The following CAMTA1 variants were observed in gnomAD, a reference collection of about 807,000 sequenced individuals.
CAMTA1 encodes calmodulin-binding transcription activator 1.
A neutral mutation model predicts 170.9 loss-of-function variants in CAMTA1; 27 were observed. The ratio of observed to expected loss-of-function variants is 0.16; its 90% confidence interval spans 0.12 to 0.22. The LOEUF is 0.22. CAMTA1 is among the 10% of genes least tolerant of loss of function. CAMTA1 has a pLI of 1.00. For synonymous variants in CAMTA1, 833 were observed against 891.5 expected, an observed-to-expected ratio of 0.93 and a Z score of 1.17; for missense variants, 1,619 against 2,217.2, an observed-to-expected ratio of 0.73 and a Z score of 5.42.
rs1435736432 is a variant in CAMTA1 at position 6,798,600 on chromosome 1, T to TAGTAGAGGTGAGGTTTCACCATG, written c.45+13025_45+13026insAGTAGAGGTGAGGTTTCACCATG. 3.9e-3 allele frequency among the ~76,000 whole-genome samples: 493 copies of TAGTAGAGGTGAGGTTTCACCATG among 127,806 alleles called. 5 individuals are homozygous for TAGTAGAGGTGAGGTTTCACCATG. Among genetic ancestry groups the TAGTAGAGGTGAGGTTTCACCATG allele is most frequent in the South Asian group, 6.5e-3 (24 of 3,682 alleles). The allele number at this position is 127,806 out of a possible 152,430, so 83.8% of individuals were successfully genotyped here. A position where few individuals can be genotyped will look rare whatever the true frequency, so the allele number is the denominator to read the frequency against. ...ACCTGGCTAATTTTTTTTTTTTTTT[T>TAGTAGAGGTGAGGTTTCACCATG]TTTTTTTGAGACGGAGTCTCGCTCT... On this transcript the variant is annotated intron_variant, in intron 1 of 22. Coordinates refer to ENST00000303635, the MANE Select transcript of CAMTA1 (RefSeq NM_015215.4).
At chr1:6,840,434 G>A (rs1000027987) in intron 3 of CAMTA1, among the ~76,000 whole-genome samples, 4 of 152,118 alleles carry the variant, frequency 2.6e-5, no homozygotes, top group Non-Finnish European at 5.9e-5. Context: ...TTTCAGAGGT[G>A]GAGCTGTCAA....
intron 3 of CAMTA1, among the ~76,000 whole-genome samples, chr1:6,891,288 T>C (rs1428436528): frequency 1.3e-5 from 2 of 152,224 alleles, no homozygotes; most frequent in East Asian, 3.8e-4. Context: ...GTTTCCCTGA[T>C]GAGTTTTCAT....
chr1:7,252,583 C>T (rs2149317199), intron 5 of CAMTA1, among the ~76,000 whole-genome samples: 1 of 152,326 alleles, frequency 6.6e-6, no homozygotes, highest in East Asian at 1.9e-4. Flanking sequence ...TTGTACCTCA[C>T]AGGAGGAGGG....
rs555770928 is a variant in CAMTA1, at chr1:7,507,732, G to T, written c.510+39831G>T. ...TCTCCAGTCTGCTGGCAACTTTGGG[G>T]CCCACGGGCCACGTCCAGATAAGAG... On this transcript the variant is annotated intron_variant, in intron 6 of 22. Transcript: ENST00000303635. Among the ~76,000 whole-genome samples the T allele has an allele frequency of 2.7e-3, 405 of 152,322 alleles. 2 individuals carry two copies. Among genetic ancestry groups the T allele is most frequent in the African/African-American group, 9.4e-3 (390 of 41,588 alleles).
At chr1:7,505,827 T>C (rs1234805414) in intron 6 of CAMTA1, among the ~76,000 whole-genome samples, 1 of 152,078 alleles carries the variant, frequency 6.6e-6, no homozygotes, top group Non-Finnish European at 1.5e-5. Context: ...GTGCTCATGG[T>C]CACCTGGGGT....
At chr1:7,761,760 T>C (rs2096977878) in intron 22 of CAMTA1, among the ~76,000 whole-genome samples, 1 of 152,232 alleles carries the variant, frequency 6.6e-6, no homozygotes, top group Non-Finnish European at 1.5e-5. Flanking sequence ...ATTGAATTTT[T>C]TTCCTTCCAA....
intron 3 of CAMTA1, among the ~76,000 whole-genome samples, chr1:6,999,731 C>A (rs1482430256): frequency 6.6e-6 from 1 of 152,110 alleles, no homozygotes; most frequent in Non-Finnish European, 1.5e-5. Context: ...TCCCTGTGAG[C>A]CATAGCTGCC....
chr1:6,808,365 A>G (rs1314616167), intron 1 of CAMTA1, among the ~76,000 whole-genome samples: 1 of 152,030 alleles, frequency 6.6e-6, no homozygotes, highest in African/African-American at 2.4e-5. Context: ...TGATTGTTCC[A>G]AGGTCCCACA....
At chr1:7,261,471 C>T (rs1668156796) in intron 5 of CAMTA1, among the ~76,000 whole-genome samples, 1 of 152,202 alleles carries the variant, frequency 6.6e-6, no homozygotes, top group Admixed American at 6.5e-5. Flanking sequence ...ACTATTAGAT[C>T]TCAGATTTCC....
chr1:6,971,200 G>A lies in CAMTA1; in HGVS notation c.235-120104G>A, dbSNP rs868533838. On this transcript the variant is annotated intron_variant, in intron 3 of 22. Coordinates refer to ENST00000303635, the MANE Select transcript of CAMTA1 (RefSeq NM_015215.4). This position sits in a 1 kb window ranked among gnomAD's most constrained non-coding sequence, Gnocchi z 4.6. ...ACGTTCCTGCTGGAGAAGAGCACAC[G>A]ATGGGCCTCGCTCCTCATGCTCCCC... 5.9e-5 allele frequency among the ~76,000 whole-genome samples: 9 copies of A among 152,204 alleles called. No individual in the cohort carries two copies. Among genetic ancestry groups the A allele is most frequent in the African/African-American group, 2.2e-4 (9 of 41,462 alleles).
intron 6 of CAMTA1, among the ~76,000 whole-genome samples, chr1:7,632,434 A>G (rs1032673329): frequency 4.6e-5 from 7 of 152,228 alleles, no homozygotes; most frequent in Admixed American, 2.6e-4. Context: ...CTGGCACGAG[A>G]TTAATGACTG....
chr1:7,407,111 C>T (rs1474316143), intron 5 of CAMTA1, among the ~76,000 whole-genome samples: 2 of 152,198 alleles, frequency 1.3e-5, no homozygotes, highest in African/African-American at 4.8e-5. Context: ...AGGCAGGCGG[C>T]CAAGCAGGCC....
chr1:7,608,921 T>G (rs1481943100), intron 6 of CAMTA1, among the ~76,000 whole-genome samples: 1 of 152,106 alleles, frequency 6.6e-6, no homozygotes, highest in Non-Finnish European at 1.5e-5. Context: ...GATGGGAGCT[T>G]GAGCCCTACC....
At chr1:7,590,914 T>C (rs576952974) in intron 6 of CAMTA1, among the ~76,000 whole-genome samples, 2 of 152,364 alleles carry the variant, frequency 1.3e-5, no homozygotes, top group South Asian at 4.1e-4. Context: ...TATTTTTACT[T>C]TCACATTTGC....
chr1:7,587,861 C>A (rs1213481657), intron 6 of CAMTA1, among the ~76,000 whole-genome samples: 1 of 152,052 alleles, frequency 6.6e-6, no homozygotes, highest in Admixed American at 6.5e-5. Flanking sequence ...AGAGAGCAGA[C>A]CTGAGAGGTC....
chr1:7,548,793 G>T (rs1336369552), intron 6 of CAMTA1, among the ~76,000 whole-genome samples: 5 of 96,424 alleles, frequency 5.2e-5, no homozygotes, highest in African/African-American at 1.6e-4. Context: ...TGTCCCTTAG[G>T]GGCGGAGGTG....
intron 6 of CAMTA1, among the ~76,000 whole-genome samples, chr1:7,528,728 C>T (rs531084212): frequency 6.6e-6 from 1 of 152,104 alleles, no homozygotes; most frequent in Non-Finnish European, 1.5e-5. Context: ...AATTAGAAAA[C>T]CACATAGCTA....
intron 4 of CAMTA1, among the ~76,000 whole-genome samples, chr1:7,180,192 C>T (rs1651810451): frequency 6.6e-6 from 1 of 151,938 alleles, no homozygotes; most frequent in African/African-American, 2.4e-5. Context: ...CGTGGTAAAA[C>T]CGTGTCTCTA....
intron 4 of CAMTA1, among the ~76,000 whole-genome samples, chr1:7,138,561 G>A (rs764381991): frequency 1.8e-4 from 28 of 152,028 alleles, no homozygotes; most frequent in African/African-American, 6.0e-4. Context: ...CTCCCATCCC[G>A]CCTCCCACAG....
Sources: allele counts gnomAD v4.1 joint callset (sites outside exome capture counted in the v4.1 genomes callset), GRCh38; gene constraint gnomAD v4.1.1; non-coding constraint Gnocchi (gnomAD v3.1); transcripts MANE v1.5; gene names NCBI Gene and HGNC (gene_info 2026-07-23, HGNC 2026-07-21).